The following SYT7 variants were observed in gnomAD, a reference collection of about 807,000 sequenced individuals.
SYT7 encodes synaptotagmin 7, also known as synaptotagmin-7.
Under a neutral mutation model 75.1 loss-of-function variants are expected in SYT7, and 29 were observed. The observed-to-expected ratio is 0.39, with a 90% CI of 0.29 to 0.53. The LOEUF (loss-of-function observed/expected upper bound fraction) is 0.53, where lower values mean the gene tolerates loss of function less well. Among genes scored for constraint, SYT7 ranks in the 20% least tolerant of loss-of-function variants. SYT7 has a pLI of 0.77. For missense variants in SYT7, 693 were observed against 953.2 expected, an observed-to-expected ratio of 0.73 and a Z score of 3.59; for synonymous variants, 376 against 401.7, an observed-to-expected ratio of 0.94 and a Z score of 0.76.
intron 3 of SYT7, among the ~76,000 whole-genome samples, chr11:61,549,849 C>T (rs1565191396): frequency 6.6e-6 from 1 of 152,234 alleles, no homozygotes; most frequent in African/African-American, 2.4e-5. Context: ...GCTGCCCGCC[C>T]TCCCCCTGGT....
At chr11:61,548,219 G>T (rs1010229845) in intron 3 of SYT7, among the ~76,000 whole-genome samples, 3 of 152,338 alleles carry the variant, frequency 2.0e-5, no homozygotes, top group African/African-American at 7.2e-5. Context: ...GGCCTGTGTA[G>T]CGGGAACCTG....
intron 1 of SYT7, among the ~76,000 whole-genome samples, chr11:61,559,600 G>A (rs987739348): frequency 7.9e-5 from 12 of 152,066 alleles, no homozygotes; most frequent in Non-Finnish European, 1.6e-4. Context: ...CCACACTCCA[G>A]GTGGGCTCCT....
At position 61,523,799 on chromosome 11, in the gene SYT7, C is replaced by T. The variant is rs751851579; in HGVS notation, c.1756+28G>A. ...GTGTCACCAGCACCTCCCCGGCCCG[C>T]CCATCCTCTGCTGGAGAAGCCCCGT... is the stretch of plus-strand genomic sequence containing the variant. On this transcript the variant is annotated intron_variant, in intron 11 of 12. Coordinates refer to ENST00000539008, the MANE Select transcript of SYT7 (RefSeq NM_001365809.2). The surrounding 1 kb of genome is among the most constrained non-coding windows in gnomAD (Gnocchi z 5.0). 6.2e-7 allele frequency: 1 copy of T among 1,607,558 alleles called. No individual in the cohort carries two copies. The highest frequency in any genetic ancestry group is 8.5e-7 in the Non-Finnish European group (1 of 1,174,244).
chr11:61,540,663 G>A, intron 6 of SYT7: 1 of 985,506 alleles, frequency 1.0e-6, no homozygotes, highest in Non-Finnish European at 1.2e-6. Context: ...ATGGTACCCG[G>A]GTTCCTGGCA....
rs1055348861 is a variant in SYT7 at position 61,553,471 on chromosome 11, G to A, written c.136-2008C>T. Among the ~76,000 whole-genome samples the A allele has an allele frequency of 7.2e-5, 11 of 152,200 alleles. No individual in the cohort carries two copies. Among genetic ancestry groups the A allele is most frequent in the Admixed American group, 7.2e-4 (11 of 15,286 alleles). On this transcript the variant is annotated intron_variant, in intron 2 of 12. Transcript: ENST00000539008. The surrounding 1 kb of genome is among the most constrained non-coding windows in gnomAD (Gnocchi z 5.2). ...CTTCCCCGAGGCCAGGAAGGGCACG[G>A]TCAGCCCTTTCCGAGCAGCGCCCCC...
intron 5 of SYT7, among the ~76,000 whole-genome samples, chr11:61,543,081 A>C (rs1345876580): frequency 1.3e-5 from 2 of 152,198 alleles, no homozygotes; most frequent in African/African-American, 4.8e-5. Flanking sequence ...GCCAGTGCAG[A>C]GCTGGCCTAG....
chr11:61,522,784 CTTTT>C lies in SYT7; in HGVS notation c.1956+287_1956+290del, dbSNP rs150069149. Among the ~76,000 whole-genome samples, 324 of 152,282 alleles carry C rather than the reference CTTTT, an allele frequency of 2.1e-3. 2 individuals carry two copies. The highest frequency in any genetic ancestry group is 7.6e-3 in the African/African-American group (316 of 41,556). ...TCATCATCCTGTCCAGTAAACCTTT[CTTTT>C]GAGATCCAGGCCATTCCTCTCTTGC... is the stretch of plus-strand genomic sequence containing the variant. On this transcript the variant is annotated intron_variant, in intron 12 of 12. Transcript: ENST00000539008.
At chr11:61,578,366 A>AT (rs563984764) in intron 1 of SYT7, among the ~76,000 whole-genome samples, 158 of 145,686 alleles carry the variant, frequency 1.1e-3, no homozygotes, top group Middle Eastern at 3.6e-3. Flanking sequence ...GAGAGGACAG[A>AT]TTTTTTTTTT....
intron 1 of SYT7, among the ~76,000 whole-genome samples, chr11:61,562,048 G>GCACA (rs68109297): frequency 4.0e-5 from 6 of 149,340 alleles, no homozygotes; most frequent in East Asian, 2.0e-4. Flanking sequence ...ACACACATAT[G>GCACA]CACACACACA....
intron 9 of SYT7, among the ~76,000 whole-genome samples, chr11:61,527,512 C>T (rs904838868): frequency 2.0e-5 from 3 of 152,166 alleles, no homozygotes; most frequent in African/African-American, 7.2e-5. Context: ...AGCTCTGAGT[C>T]CTACGGGTGC....
the SYT7 span, among the ~76,000 whole-genome samples, chr11:61,587,924 G>A: frequency 2.7e-5 from 4 of 150,676 alleles, no homozygotes; most frequent in Non-Finnish European, 5.9e-5. Flanking sequence ...GTACACAGAT[G>A]GGGGGGCGGG....
At chr11:61,527,632 G>C (rs2062560166) in intron 9 of SYT7, among the ~76,000 whole-genome samples, 1 of 152,218 alleles carries the variant, frequency 6.6e-6, no homozygotes, top group Admixed American at 6.5e-5. Context: ...GCTCCATTGG[G>C]CTCCTGTGAC....
chr11:61,550,173 G>A (rs868084683), intron 3 of SYT7, among the ~76,000 whole-genome samples: 1 of 152,022 alleles, frequency 6.6e-6, no homozygotes, highest in African/African-American at 2.4e-5. Flanking sequence ...TGAGCCTCCC[G>A]CCCTCCCCTA....
Position 61,528,187 on chromosome 11 carries a change from T to TG in SYT7, c.1201-3dup. 6.2e-7 allele frequency: 1 copy of TG among 1,609,788 alleles called. No individual in the cohort carries two copies. Among genetic ancestry groups the TG allele is most frequent in the Non-Finnish European group, 8.5e-7 (1 of 1,179,494 alleles). On this transcript the variant is annotated splice_region_variant and splice_polypyrimidine_tract_variant and intron_variant, in intron 8 of 12. Transcript: ENST00000539008. ...ATCCTCCTCGGAGCCTGGGGAGAGCTGGGGGTGGGGGAGAGGCCGGCAGGG... is the reference window on the plus strand; with the variant it reads ...ATCCTCCTCGGAGCCTGGGGAGAGCTGGGGGGTGGGGGAGAGGCCGGCAGGG...
chr11:61,575,030 T>C (rs1235353726), intron 1 of SYT7, among the ~76,000 whole-genome samples: 1 of 151,884 alleles, frequency 6.6e-6, no homozygotes, highest in Non-Finnish European at 1.5e-5. Context: ...ACCAACCAGC[T>C]AGGACTAACA....
At chr11:61,548,706 C>T (rs7943344) in intron 3 of SYT7, among the ~76,000 whole-genome samples, 5 of 152,168 alleles carry the variant, frequency 3.3e-5, no homozygotes, top group African/African-American at 9.7e-5. Context: ...CATGTTCTTG[C>T]GGGACCTGCT....
chr11:61,574,412 G>T (rs2064008464), intron 1 of SYT7, among the ~76,000 whole-genome samples: 1 of 152,138 alleles, frequency 6.6e-6, no homozygotes. Flanking sequence ...AGCTGTCCCT[G>T]GAGGCACATA....
At position 61,560,638 on chromosome 11, in the gene SYT7, T is replaced by A. The variant is rs60466169; in HGVS notation, c.32-4431A>T. 0.015 allele frequency among the ~76,000 whole-genome samples: 2,292 copies of A among 152,310 alleles called. 220 individuals carry two copies. In the East Asian group the frequency reaches 0.24, roughly 16 times the overall value. On this transcript the variant is annotated intron_variant, in intron 1 of 12. Coordinates refer to ENST00000539008, the MANE Select transcript of SYT7 (RefSeq NM_001365809.2). ...AGTGACATGATGTCCTCGGCCAGCATGCCGACATCCTAAGGAGATCCTAAG... is the reference window on the plus strand; with the variant it reads ...AGTGACATGATGTCCTCGGCCAGCAAGCCGACATCCTAAGGAGATCCTAAG...
intron 7 of SYT7, among the ~76,000 whole-genome samples, chr11:61,536,307 A>G (rs569793621): frequency 6.6e-6 from 1 of 152,296 alleles, no homozygotes; most frequent in East Asian, 1.9e-4. Flanking sequence ...GGAGGTAAAA[A>G]TAGACTGTGG....
Sources: allele counts gnomAD v4.1 joint callset (sites outside exome capture counted in the v4.1 genomes callset), GRCh38; gene constraint gnomAD v4.1.1; non-coding constraint Gnocchi (gnomAD v3.1); transcripts MANE v1.5; gene names NCBI Gene and HGNC (gene_info 2026-07-23, HGNC 2026-07-21).